The following TEX264 variants were observed in gnomAD, a reference collection of about 807,000 sequenced individuals.
TEX264 encodes the protein testis expressed 264, ER-phagy receptor, also known as testis-expressed protein 264.
In TEX264, 13 loss-of-function variants were observed where a neutral mutation model predicts 23.4. The observed-to-expected ratio is 0.56, with a 90% CI of 0.36 to 0.88. TEX264 has a LOEUF of 0.88. Among genes scored for constraint, TEX264 ranks in the 40% least tolerant of loss-of-function variants. TEX264 has a pLI of 0.01. For synonymous variants in TEX264, 159 were observed against 170.0 expected (o/e 0.94, Z 0.50); for missense variants, 340 against 406.8 (o/e 0.84, Z 1.41).
At chr3:51,695,308 C>T (rs1323341769) in intron 3 of TEX264, among the ~76,000 whole-genome samples, 1 of 152,212 alleles carries the variant, frequency 6.6e-6, no homozygotes, top group Non-Finnish European at 1.5e-5. Flanking sequence ...AGATGTGACC[C>T]GTCCTTGGCC....
intron 2 of TEX264, among the ~76,000 whole-genome samples, chr3:51,681,015 T>G (rs751671153): frequency 9.2e-5 from 14 of 152,184 alleles, no homozygotes; most frequent in Admixed American, 9.2e-4. Flanking sequence ...GCTTCCCAGC[T>G]TCAACTTTGC....
intron 3 of TEX264, among the ~76,000 whole-genome samples, chr3:51,699,021 G>T (rs1176126943): frequency 1.3e-5 from 2 of 152,116 alleles, no homozygotes; most frequent in Non-Finnish European, 2.9e-5. Context: ...TGAGACCTTG[G>T]CTTAGGCACA....
chr3:51,699,054 T>C (rs1326763288), intron 3 of TEX264, among the ~76,000 whole-genome samples: 1 of 152,086 alleles, frequency 6.6e-6, no homozygotes, highest in Non-Finnish European at 1.5e-5. Flanking sequence ...CCTGGGGTGG[T>C]CCAGGGGTGC....
intron 4 of TEX264, among the ~76,000 whole-genome samples, chr3:51,701,177 C>T (rs1486413627): frequency 6.6e-6 from 1 of 152,148 alleles, no homozygotes; most frequent in Non-Finnish European, 1.5e-5. Context: ...CTTCAAGTCC[C>T]CTGCCCCAGT....
intron 1 of TEX264, among the ~76,000 whole-genome samples, chr3:51,672,754 A>G (rs1702093196): frequency 6.6e-6 from 1 of 152,180 alleles, no homozygotes; most frequent in Non-Finnish European, 1.5e-5. Context: ...CTTAACCTCT[A>G]ACTACTTGAA....
At chr3:51,673,542 G>C (rs368794718) in intron 1 of TEX264, among the ~76,000 whole-genome samples, 119 of 152,314 alleles carry the variant, frequency 7.8e-4, no homozygotes, top group African/African-American at 2.8e-3. Flanking sequence ...TGGAAAATTG[G>C]GATGAAGCTT....
intron 3 of TEX264, among the ~76,000 whole-genome samples, 156 bp downstream of exon 3, chr3:51,684,790 C>A (rs1190160493): frequency 6.6e-6 from 1 of 152,190 alleles, no homozygotes; most frequent in African/African-American, 2.4e-5. Context: ...GGAAGATGGG[C>A]AGAGGTTGTT....
chr3:51,693,308 A>G (rs1404939058), intron 3 of TEX264, among the ~76,000 whole-genome samples: 1 of 151,804 alleles, frequency 6.6e-6, no homozygotes, highest in Non-Finnish European at 1.5e-5. Flanking sequence ...CTCCCGCCCC[A>G]TTCTCTCTCA....
chr3:51,675,795 G>C (rs1702208082), intron 2 of TEX264, among the ~76,000 whole-genome samples: 1 of 152,208 alleles, frequency 6.6e-6, no homozygotes. Flanking sequence ...AGAGCCTGAA[G>C]ACATGGGATG....
intron 3 of TEX264, among the ~76,000 whole-genome samples, chr3:51,696,143 C>G (rs1433039441): frequency 1.3e-5 from 2 of 152,200 alleles, no homozygotes; most frequent in African/African-American, 4.8e-5. Flanking sequence ...GTGAGCTGCT[C>G]TGGGCTGTGG....
chr3:51,671,624 A>G (rs1702046777), intron 1 of TEX264: 1 of 154,944 alleles, frequency 6.5e-6, no homozygotes, highest in Non-Finnish European at 1.5e-5. Flanking sequence ...CTGGGCTGCA[A>G]ACTTTAGCGT....
At chr3:51,694,100 C>CTTCCTTCCTTCT (rs1702960998) in intron 3 of TEX264, among the ~76,000 whole-genome samples, 1 of 134,476 alleles carries the variant, frequency 7.4e-6, no homozygotes, top group African/African-American at 2.9e-5. Flanking sequence ...TCCTTCCTTC[C>CTTCCTTCCTTCT]TTCCTTCCTT....
chr3:51,696,770 G>A (rs1368023933), intron 3 of TEX264, among the ~76,000 whole-genome samples: 1 of 152,198 alleles, frequency 6.6e-6, no homozygotes, highest in East Asian at 1.9e-4. Flanking sequence ...CTCTGCCCAA[G>A]TCTGAATTTT....
intron 3 of TEX264, among the ~76,000 whole-genome samples, chr3:51,689,013 G>A (rs1322174709): frequency 6.6e-6 from 1 of 152,132 alleles, no homozygotes; most frequent in Admixed American, 6.6e-5. Flanking sequence ...CAGCTACTCA[G>A]GAGGCTGAGG....
intron 3 of TEX264, among the ~76,000 whole-genome samples, chr3:51,692,637 C>T (rs1263113002): frequency 1.3e-5 from 2 of 152,256 alleles, no homozygotes; most frequent in African/African-American, 2.4e-5. Flanking sequence ...GCTGGATAAT[C>T]ATCAGCAACC....
chr3:51,682,225 G>A (rs1702452107), intron 2 of TEX264: 1 of 152,216 alleles, frequency 6.6e-6, no homozygotes, highest in African/African-American at 2.4e-5. Context: ...ATAACTTCCT[G>A]CCTATCTGGT....
At chr3:51,694,088 C>CG (rs1282688336) in intron 3 of TEX264, among the ~76,000 whole-genome samples, 17 of 44,272 alleles carry the variant, frequency 3.8e-4, no homozygotes, top group African/African-American at 1.4e-3. Context: ...TCCGTCCGTC[C>CG]TTCCTTCCTT....
chr3:51,704,074 CAG>C lies in TEX264; in HGVS notation c.*60_*61del, dbSNP rs1434136501. ...CTGAGGAACTGAGCAGACTCTCCAG[CAG>C]ACTCTCCAGCCCTCTTCCTCCTTCC... On this transcript the variant is annotated 3_prime_UTR_variant, in exon 5 of 5. Transcript: ENST00000341333. 7.3e-7 allele frequency: 1 copy of C among 1,363,768 alleles called. No homozygotes were observed. The highest frequency in any genetic ancestry group is 9.5e-7 in the Non-Finnish European group (1 of 1,050,690). The allele number at this position is 1,363,768 out of a possible 1,614,324, so 84.5% of individuals were successfully genotyped here.
At chr3:51,683,465 A>T (rs1193885075) in intron 2 of TEX264, 1 of 152,282 alleles carries the variant, frequency 6.6e-6, no homozygotes, top group African/African-American at 2.4e-5. Context: ...TGGGAGCCAG[A>T]GGAGGGAAAT....
Sources: gnomAD v4.1 joint callset for allele counts (sites outside exome capture counted in the v4.1 genomes callset) on GRCh38, gnomAD v4.1.1 for gene constraint, MANE v1.5 for transcripts, NCBI Gene and HGNC (gene_info 2026-07-23, HGNC 2026-07-21) for gene names.